PCDH11X: variants seen among roughly 807,000 people sequenced by gnomAD.
PCDH11X encodes protocadherin-11 X-linked.
A neutral mutation model predicts 53.3 loss-of-function variants in PCDH11X; 18 were observed. That is an observed-to-expected ratio of 0.34 (90% CI 0.23 to 0.50). PCDH11X has a LOEUF of 0.50. PCDH11X is among the 20% of genes least tolerant of loss of function. The pLI is 0.98. For missense variants in PCDH11X, 570 were observed against 1,032.4 expected, an observed-to-expected ratio of 0.55 and a Z score of 6.14; for synonymous variants, 279 against 393.3, an observed-to-expected ratio of 0.71 and a Z score of 3.44.
chrX:91,927,380 C>T (rs1941981529), intron 6 of PCDH11X, among the ~76,000 whole-genome samples: 1 of 109,314 alleles, frequency 9.1e-6, no homozygotes, highest in Non-Finnish European at 1.9e-5. Flanking sequence ...ATATAGATTC[C>T]ATTATCTTCC....
intron 6 of PCDH11X, among the ~76,000 whole-genome samples, chrX:92,072,044 G>A (rs1195258043): frequency 9.0e-6 from 1 of 110,801 alleles, no homozygotes; most frequent in Non-Finnish European, 1.9e-5. Context: ...CCTTTCCACA[G>A]GCAGAGGAGC....
intron 10 of PCDH11X, among the ~76,000 whole-genome samples, chrX:92,577,276 G>A (rs1923096658): frequency 9.2e-6 from 1 of 109,134 alleles, no homozygotes; most frequent in Non-Finnish European, 1.9e-5. Context: ...GGCTTGGGAG[G>A]GTGCATGTGT....
At chrX:92,020,543 C>A (rs938168382) in intron 6 of PCDH11X, among the ~76,000 whole-genome samples, 1 of 111,069 alleles carries the variant, frequency 9.0e-6, no homozygotes, top group African/African-American at 3.3e-5. Context: ...AGTCTGATCT[C>A]TCTGGGCCTG....
chrX:92,264,925 T>G (rs1322179485), intron 8 of PCDH11X, among the ~76,000 whole-genome samples: 3 of 97,668 alleles, frequency 3.1e-5, no homozygotes, highest in African/African-American at 1.1e-4. Context: ...TGGACAGACA[T>G]AGAGAGAGAC....
At chrX:92,486,400 G>A (rs1356395164) in intron 10 of PCDH11X, among the ~76,000 whole-genome samples, 3 of 111,291 alleles carry the variant, frequency 2.7e-5, no homozygotes, top group Non-Finnish European at 5.7e-5. Context: ...CAATAGTAAC[G>A]TGTTAGAACA....
intron 8 of PCDH11X, among the ~76,000 whole-genome samples, chrX:92,277,147 T>A (rs6618939): frequency 9.1e-6 from 1 of 109,486 alleles, no homozygotes; most frequent in African/African-American, 3.4e-5. Flanking sequence ...AAAGACTCAG[T>A]GACGCTTGGG....
At chrX:92,219,039 A>G (rs1457412528) in intron 7 of PCDH11X, among the ~76,000 whole-genome samples, 1 of 111,419 alleles carries the variant, frequency 9.0e-6, no homozygotes, top group Non-Finnish European at 1.9e-5. Flanking sequence ...TATTGATGGG[A>G]CGTATCTCAA....
chrX:91,864,192 ATC>A (rs1218271202), intron 5 of PCDH11X, among the ~76,000 whole-genome samples: 1 of 110,460 alleles, frequency 9.1e-6, no homozygotes, highest in African/African-American at 3.3e-5. Context: ...TGTTGATGAA[ATC>A]TCTCAGCTTT....
chrX:92,147,837 T>TTCTCTTTCTTTCTTTCTTTCTTTC (rs1454336016), intron 6 of PCDH11X, among the ~76,000 whole-genome samples: 1 of 95,906 alleles, frequency 1.0e-5, no homozygotes, highest in African/African-American at 4.4e-5. Flanking sequence ...CTTTCTTTCT[T>TTCTCTTTCTTTCTTTCTTTCTTTC]TCTTTCTTTC....
intron 1 of PCDH11X, among the ~76,000 whole-genome samples, chrX:91,795,489 T>C (rs1264808288): frequency 1.9e-4 from 21 of 111,259 alleles, no homozygotes; most frequent in African/African-American, 6.5e-4. Flanking sequence ...TGGTTATAGA[T>C]TTGAATGGTA....
chrX:91,966,592 C>A (rs1313403844), intron 6 of PCDH11X, among the ~76,000 whole-genome samples: 2 of 109,427 alleles, frequency 1.8e-5, no homozygotes, highest in African/African-American at 6.7e-5. Context: ...ACATGTATAC[C>A]TATGTAACAT....
At position 92,581,385 on chromosome X, in the gene PCDH11X, G is replaced by A. The variant is rs184641229; in HGVS notation, c.3368-36879G>A. Among the ~76,000 whole-genome samples, 135 of 111,163 alleles carry A rather than the reference G, an allele frequency of 1.2e-3. 1 individual carries two copies. The highest frequency in any genetic ancestry group is 8.3e-3 in the Admixed American group (87 of 10,460). ...ACCCAGTGTAGGATAATTGAGTAAC[G>A]GGGATAGCTTTTGCCCATACTGCTC... is the stretch of plus-strand genomic sequence containing the variant. On this transcript the variant is annotated intron_variant, in intron 10 of 10. Transcript: ENST00000682573.
At position 91,845,010 on chromosome X, in the gene PCDH11X, A is replaced by C. The variant is rs1469064032; in HGVS notation, c.540+8966A>C. Among the ~76,000 whole-genome samples the C allele has an allele frequency of 3.6e-5, 4 of 111,679 alleles. No homozygotes were observed. In the Admixed American group the frequency reaches 3.8e-4, roughly 11 times the overall value. On this transcript the variant is annotated intron_variant, in intron 5 of 10. Coordinates refer to ENST00000682573, the MANE Select transcript of PCDH11X (RefSeq NM_032968.5). ...GAAACAATTTAATGGACTATAAATA[A>C]ATTAAGAAGTTTAAGACTTTATGGA...
At chrX:92,540,989 G>A (rs1289020985) in intron 10 of PCDH11X, among the ~76,000 whole-genome samples, 1 of 109,148 alleles carries the variant, frequency 9.2e-6, no homozygotes, top group Non-Finnish European at 1.9e-5. Flanking sequence ...TTACTGTTGC[G>A]AGCTGCACTG....
intron 6 of PCDH11X, among the ~76,000 whole-genome samples, chrX:92,199,142 A>G (rs17174386): frequency 0.024 from 2,705 of 112,047 alleles, 56 homozygotes; most frequent in African/African-American, 0.084. Context: ...TCCAATGTCT[A>G]AATGATTAGC....
rs763047243 is a variant in PCDH11X at position 92,020,584 on chromosome X, C to T, written c.3033+141311C>T. On this transcript the variant is annotated intron_variant, in intron 6 of 10. Transcript: ENST00000682573. ...CTAGGGGGAGGGGTGGCCTCAGTCT[C>T]TGTGGACCAGCAGACATAGTCTTTC... is the stretch of plus-strand genomic sequence containing the variant. 4.8e-4 allele frequency among the ~76,000 whole-genome samples: 54 copies of T among 111,867 alleles called. No homozygotes were observed. The Middle Eastern group carries it at 0.023, about 48-fold the overall frequency.
chrX:92,417,192 A>G (rs947855489), intron 9 of PCDH11X, among the ~76,000 whole-genome samples: 1 of 112,174 alleles, frequency 8.9e-6, no homozygotes, highest in Non-Finnish European at 1.9e-5. Flanking sequence ...GAAGTTAATG[A>G]ATATTGTTAG....
intron 6 of PCDH11X, among the ~76,000 whole-genome samples, chrX:91,888,607 G>A (rs1169363670): frequency 9.1e-6 from 1 of 110,182 alleles, no homozygotes; most frequent in Non-Finnish European, 1.9e-5. Flanking sequence ...GTTGCAGTGA[G>A]CCTAGATCAC....
At chrX:92,013,772 A>G (rs958685553) in intron 6 of PCDH11X, among the ~76,000 whole-genome samples, 55 of 111,964 alleles carry the variant, frequency 4.9e-4, no homozygotes, top group Non-Finnish European at 9.0e-4. Context: ...GACAAAAACA[A>G]GAAATGGGGA....
Sources: gnomAD v4.1 joint callset for allele counts (sites outside exome capture counted in the v4.1 genomes callset) on GRCh38, gnomAD v4.1.1 for gene constraint, MANE v1.5 for transcripts, NCBI Gene and HGNC (gene_info 2026-07-23, HGNC 2026-07-21) for gene names.